The following SCAMP4 variants were observed in gnomAD, a reference collection of about 807,000 sequenced individuals.
The protein encoded by SCAMP4 is secretory carrier membrane protein 4.
SCAMP4 carries 19 observed loss-of-function variants against 32.1 expected under a neutral mutation model. The observed-to-expected ratio is 0.59, with a 90% CI of 0.41 to 0.87. SCAMP4 has a LOEUF of 0.87. Among genes scored for constraint, SCAMP4 ranks in the 40% least tolerant of loss-of-function variants. The pLI is 0.00. For missense variants in SCAMP4, 302 were observed against 309.0 expected, an observed-to-expected ratio of 0.98 and a Z score of 0.17; for synonymous variants, 152 against 132.7, an observed-to-expected ratio of 1.15 and a Z score of -1.00.
At position 1,908,573 on chromosome 19, in the gene SCAMP4, G is replaced by T. The variant is rs143725052; in HGVS notation, c.-42+3134G>T. Reference sequence around the variant, plus strand: ...GGCTGGAGTCATTTTAAGATCATCTGCGGCTTAGCCCCAGCACCATCTGAG... The same window carrying T: ...GGCTGGAGTCATTTTAAGATCATCTTCGGCTTAGCCCCAGCACCATCTGAG... On this transcript the variant is annotated intron_variant, in intron 1 of 6. Coordinates refer to ENST00000316097, the MANE Select transcript of SCAMP4 (RefSeq NM_079834.4). This position sits in a 1 kb window ranked among gnomAD's most constrained non-coding sequence, Gnocchi z 4.2. 1,456 of 471,164 alleles carry T rather than the reference G, an allele frequency of 3.1e-3. 21 individuals are homozygous for T. The highest frequency in any genetic ancestry group is 0.026 in the African/African-American group (1,290 of 50,204). The allele number at this position is 471,164 out of a possible 1,614,324, so 29.2% of individuals were successfully genotyped here. A position where few individuals can be genotyped will look rare whatever the true frequency, so the allele number is the denominator to read the frequency against.
At chr19:1,920,520 C>A in intron 5 of SCAMP4, 1 of 857,710 alleles carries the variant, frequency 1.2e-6, no homozygotes, top group Non-Finnish European at 1.4e-6. Flanking sequence ...GCCGCTGAAG[C>A]TGGTCTGTCA....
At chr19:1,916,976 G>T (rs1198611446) in intron 2 of SCAMP4, among the ~76,000 whole-genome samples, 2 of 152,224 alleles carry the variant, frequency 1.3e-5, no homozygotes, top group African/African-American at 2.4e-5. Flanking sequence ...GAGTAGCAGG[G>T]CCCTGCATGA....
chr19:1,909,199 G>A (rs1209707289), intron 1 of SCAMP4, among the ~76,000 whole-genome samples: 1 of 152,162 alleles, frequency 6.6e-6, no homozygotes, highest in Non-Finnish European at 1.5e-5. Flanking sequence ...TGCAGGTGGG[G>A]GAAGGCTGGC....
rs763472911 is a variant in SCAMP4, at chr19:1,918,256, G to A, written c.266G>A (p.Trp89Ter). Residue 89 changes from tryptophan to a stop codon, truncating the protein, a stop_gained, in exon 4 of 7, where the codon TGG becomes TAG. Transcript: ENST00000316097. LOFTEE classifies it high-confidence loss of function. ...LLFTPCGYVC[W>*]FRPVYKAFRA... is the part of the protein sequence containing the mutation. ...TTCACGCCTTGCGGCTACGTGTGCT[G>A]GTTCCGGCCTGTCTACAAGGCCTTC... 8 of 1,607,390 alleles carry A rather than the reference G, an allele frequency of 5.0e-6. No homozygotes were observed. Among genetic ancestry groups the A allele is most frequent in the Non-Finnish European group, 6.8e-6 (8 of 1,179,350 alleles).
intron 4 of SCAMP4, chr19:1,918,611 A>T (rs2013813494): frequency 3.8e-6 from 2 of 521,054 alleles, no homozygotes; most frequent in African/African-American, 1.9e-5. Context: ...TAGGTACAAA[A>T]ATTAGCCAGG....
At chr19:1,917,988 C>A in intron 3 of SCAMP4, 139 bp from the exon 4 acceptor site, 1 of 1,364,772 alleles carries the variant, frequency 7.3e-7, no homozygotes. Context: ...GCCCCAGTGT[C>A]TTGGCTTGCA....
At chr19:1,917,978 G>A in intron 3 of SCAMP4, 149 bp from the exon 4 acceptor site, 16 of 1,337,002 alleles carry the variant, frequency 1.2e-5, no homozygotes, top group Non-Finnish European at 1.2e-5. Context: ...TGGTGTCCAG[G>A]CCCCAGTGTC....
chr19:1,916,305 A>T (rs1296522690), intron 2 of SCAMP4, among the ~76,000 whole-genome samples: 1 of 151,772 alleles, frequency 6.6e-6, no homozygotes, highest in African/African-American at 2.4e-5. Context: ...GGCCAGAGCT[A>T]TGCGGCCATG....
intron 5 of SCAMP4, chr19:1,921,460 G>T (rs922945723): frequency 3.0e-6 from 3 of 985,428 alleles, no homozygotes; most frequent in Non-Finnish European, 3.6e-6. Context: ...GGGGCCCCCG[G>T]TGGGCCCCGC....
rs1038210075 is a variant in SCAMP4, at chr19:1,912,648, C to T, written c.-41-2331C>T. ...CATGGAGCGGGCGGTGTGGGCGGCC[C>T]GGCGGGCAGCAGCGCGGGGCTTGCG... On this transcript the variant is annotated intron_variant, in intron 1 of 6. Transcript: ENST00000316097. 59 of 1,422,882 alleles carry T rather than the reference C, an allele frequency of 4.1e-5. No individual in the cohort carries two copies. The highest frequency in any genetic ancestry group is 4.7e-5 in the Non-Finnish European group (52 of 1,098,084). The allele number at this position is 1,422,882 out of a possible 1,614,324, so 88.1% of individuals were successfully genotyped here.
intron 6 of SCAMP4, 59 bp from the exon 7 acceptor site, chr19:1,924,049 C>G (rs532677287): frequency 1.3e-6 from 2 of 1,487,276 alleles, no homozygotes; most frequent in Non-Finnish European, 9.1e-7. Flanking sequence ...CGTGAGTCCC[C>G]GTGCCCGGCC....
chr19:1,907,642 C>T (rs1057354076), intron 1 of SCAMP4, among the ~76,000 whole-genome samples: 1 of 152,170 alleles, frequency 6.6e-6, no homozygotes, highest in Admixed American at 6.5e-5. Flanking sequence ...AGGGTTGTCA[C>T]CACGCAGGGT....
Position 1,912,798 on chromosome 19 carries a change from G to A in SCAMP4, c.-41-2181G>A, listed in dbSNP as rs752566822. On this transcript the variant is annotated intron_variant, in intron 1 of 6. Coordinates refer to ENST00000316097, the MANE Select transcript of SCAMP4 (RefSeq NM_079834.4). ...GGTGTGCGTGGACCTCGTGGCGCGCGGCCAGGGCCGCGGCACCTACGACTT... is the reference window on the plus strand; with the variant it reads ...GGTGTGCGTGGACCTCGTGGCGCGCAGCCAGGGCCGCGGCACCTACGACTT... 141 of 1,575,420 alleles carry A rather than the reference G, an allele frequency of 8.9e-5. No individual in the cohort carries two copies. Among genetic ancestry groups the A allele is most frequent in the Non-Finnish European group, 1.1e-4 (129 of 1,169,300 alleles).
At chr19:1,918,629 G>A (rs1364010731) in intron 4 of SCAMP4, 15 of 542,570 alleles carry the variant, frequency 2.8e-5, no homozygotes, top group Non-Finnish European at 4.4e-5. Flanking sequence ...AGGCGTGGTT[G>A]CGGGCGCCTA....
chr19:1,908,697 C>G lies in SCAMP4; in HGVS notation c.-42+3258C>G. ...ATTTGAAAAAAGGAACAGGGTCTCTCTATCTTGCCCACGTTGGTCTCAAAC... is the reference window on the plus strand; with the variant it reads ...ATTTGAAAAAAGGAACAGGGTCTCTGTATCTTGCCCACGTTGGTCTCAAAC... On this transcript the variant is annotated intron_variant, in intron 1 of 6. Coordinates refer to ENST00000316097, the MANE Select transcript of SCAMP4 (RefSeq NM_079834.4). This position sits in a 1 kb window ranked among gnomAD's most constrained non-coding sequence, Gnocchi z 4.2. The G allele has an allele frequency of 2.5e-6, 1 of 402,820 alleles. No individual in the cohort carries two copies. The highest frequency in any genetic ancestry group is 4.9e-6 in the Non-Finnish European group (1 of 202,692). The allele number at this position is 402,820 out of a possible 1,614,324, so 25.0% of individuals were successfully genotyped here.
chr19:1,908,267 G>A lies in SCAMP4; in HGVS notation c.-42+2828G>A. 3.5e-6 allele frequency: 1 copy of A among 283,562 alleles called. No homozygotes were observed. The highest frequency in any genetic ancestry group is 7.0e-6 in the Non-Finnish European group (1 of 142,210). 17.6% of individuals were successfully genotyped at this position (283,562 alleles called of 1,614,324 possible). ...GCGCTTCCTGCTCCCGGCTCCCACT[G>A]CATCTCCGGTTCTGTGCTTTGTTGA... On this transcript the variant is annotated intron_variant, in intron 1 of 6. Transcript: ENST00000316097. The surrounding 1 kb of genome is among the most constrained non-coding windows in gnomAD (Gnocchi z 4.2).
chr19:1,912,882 G>T, intron 1 of SCAMP4: 1 of 1,605,164 alleles, frequency 6.2e-7, no homozygotes. Context: ...CGTCCGCGCA[G>T]GCGCCGTGCG....
At chr19:1,914,525 G>C (rs542680025) in intron 1 of SCAMP4, 2 of 212,752 alleles carry the variant, frequency 9.4e-6, no homozygotes, top group African/African-American at 4.6e-5. Flanking sequence ...CCACTCAGTC[G>C]TGGGTGGATG....
At chr19:1,913,157 G>A (rs771348874) in intron 1 of SCAMP4, 2 of 1,529,336 alleles carry the variant, frequency 1.3e-6, no homozygotes, top group Admixed American at 4.0e-5. Context: ...CGTAGGCGCC[G>A]CCCTCCTGCC....
Sources: allele counts gnomAD v4.1 joint callset (sites outside exome capture counted in the v4.1 genomes callset), GRCh38; gene constraint gnomAD v4.1.1; non-coding constraint Gnocchi (gnomAD v3.1); transcripts MANE v1.5; gene names NCBI Gene and HGNC (gene_info 2026-07-23, HGNC 2026-07-21).